Variants in CADPS observed in about 807,000 individuals in gnomAD.
CADPS encodes the protein calcium dependent secretion activator.
CADPS carries 57 observed loss-of-function variants against 167.3 expected under a neutral mutation model. The ratio of observed to expected loss-of-function variants is 0.34; its 90% confidence interval spans 0.28 to 0.42. The LOEUF (loss-of-function observed/expected upper bound fraction) is 0.42. Ranked by LOEUF, CADPS falls within the 20% of genes least tolerant of loss-of-function variation. The pLI is 1.00. For synonymous variants in CADPS, 676 were observed against 635.3 expected (o/e 1.06, Z -0.96); for missense variants, 1,414 against 1,738.1 (o/e 0.81, Z 3.32).
At chr3:62,675,300 A>G (rs1460677021) in intron 3 of CADPS, among the ~76,000 whole-genome samples, 1 of 152,176 alleles carries the variant, frequency 6.6e-6, no homozygotes, top group Non-Finnish European at 1.5e-5. Flanking sequence ...TTTTATAAGC[A>G]TTAGTGTGTC....
At chr3:62,590,985 G>T (rs949470811) in intron 7 of CADPS, among the ~76,000 whole-genome samples, 1 of 152,044 alleles carries the variant, frequency 6.6e-6, no homozygotes, top group African/African-American at 2.4e-5. Context: ...CTCCTGAGTA[G>T]CTAGGATTAC....
chr3:62,700,877 A>C (rs938156535), intron 3 of CADPS, among the ~76,000 whole-genome samples: 3 of 152,110 alleles, frequency 2.0e-5, no homozygotes, highest in African/African-American at 7.2e-5. Context: ...TAAACAACAG[A>C]AATTTATTTC....
chr3:62,510,739 G>A (rs116373594), intron 17 of CADPS, among the ~76,000 whole-genome samples: 5 of 152,022 alleles, frequency 3.3e-5, no homozygotes, highest in Admixed American at 2.0e-4. Context: ...ATTTGCACCT[G>A]TAACTCCGGT....
At chr3:62,555,508 G>A (rs1392200367) in intron 10 of CADPS, among the ~76,000 whole-genome samples, 1 of 152,232 alleles carries the variant, frequency 6.6e-6, no homozygotes, top group Non-Finnish European at 1.5e-5. Flanking sequence ...CCACCAGGCA[G>A]TCTTAAACAA....
At chr3:62,403,217 C>T (rs768965848) in intron 28 of CADPS, 32 bp from the exon 29 acceptor site, 3 of 1,439,246 alleles carry the variant, frequency 2.1e-6, no homozygotes, top group African/African-American at 2.8e-5. Context: ...CTCCAGCCAA[C>T]ACATCATGGA....
chr3:62,753,344 T>G lies in CADPS; in HGVS notation c.888+97A>C, dbSNP rs1255532492. On this transcript the variant is annotated intron_variant, in intron 3 of 29. Transcript: ENST00000383710. This position sits in a 1 kb window ranked among gnomAD's most constrained non-coding sequence, Gnocchi z 4.6. ...CCAGTAGAGTAATAAAATATAAGTT[T>G]TAATCCTTTTTTTAAAAAAATCAAG... 9 of 898,920 alleles carry G rather than the reference T, an allele frequency of 1.0e-5. No individual in the cohort carries two copies. Among genetic ancestry groups the G allele is most frequent in the Non-Finnish European group, 1.5e-5 (9 of 587,580 alleles). 55.7% of individuals were successfully genotyped at this position (898,920 alleles called of 1,614,324 possible).
chr3:62,838,918 G>C (rs1157212835), intron 1 of CADPS, among the ~76,000 whole-genome samples: 2 of 152,154 alleles, frequency 1.3e-5, no homozygotes, highest in Non-Finnish European at 2.9e-5. Context: ...TTTGAACACT[G>C]CTTTGCTCCA....
At chr3:62,848,039 G>A (rs2153083691) in intron 1 of CADPS, among the ~76,000 whole-genome samples, 1 of 124,360 alleles carries the variant, frequency 8.0e-6, no homozygotes, top group East Asian at 2.2e-4. Context: ...GTGATGATGA[G>A]CATTTTTTCA....
intron 12 of CADPS, among the ~76,000 whole-genome samples, chr3:62,533,879 A>AT (rs2074202057): frequency 3.3e-5 from 5 of 152,036 alleles, no homozygotes; most frequent in African/African-American, 1.2e-4. Context: ...TTAGAGTTTT[A>AT]TTTTCTCTTC....
intron 28 of CADPS, among the ~76,000 whole-genome samples, chr3:62,416,411 A>G (rs2050070674): frequency 6.6e-6 from 1 of 152,302 alleles, no homozygotes; most frequent in East Asian, 1.9e-4. Flanking sequence ...CAATCCAGAC[A>G]GTTTGTGTCT....
rs539166322 is a variant in CADPS at position 62,457,937 on chromosome 3, G to A, written c.3636+7430C>T. 2.0e-5 allele frequency among the ~76,000 whole-genome samples: 3 copies of A among 152,080 alleles called. No homozygotes were observed. The East Asian group carries it at 5.8e-4, about 29-fold the overall frequency. ...CACACACTGGGGCCTGTTGAAGGGT[G>A]GGGGACTAGGGGAGGGATAGCATTA... On this transcript the variant is annotated intron_variant, in intron 26 of 29. Transcript: ENST00000383710.
intron 1 of CADPS, among the ~76,000 whole-genome samples, chr3:62,803,428 T>G (rs1169167030): frequency 1.3e-5 from 2 of 151,948 alleles, no homozygotes; most frequent in Non-Finnish European, 2.9e-5. Context: ...TCTGGACATA[T>G]TTTTTAGCTG....
intron 1 of CADPS, among the ~76,000 whole-genome samples, chr3:62,847,385 G>A (rs963218762): frequency 2.0e-5 from 2 of 98,860 alleles, no homozygotes; most frequent in Non-Finnish European, 3.9e-5. Context: ...CCACTAACTC[G>A]TCATCTAGCA....
intron 3 of CADPS, among the ~76,000 whole-genome samples, chr3:62,729,801 G>A (rs763057343): frequency 6.6e-6 from 1 of 151,718 alleles, no homozygotes. Flanking sequence ...AAGGAAGGGA[G>A]ACCTTCTTTG....
At chr3:62,735,264 A>T (rs888410203) in intron 3 of CADPS, among the ~76,000 whole-genome samples, 1 of 152,212 alleles carries the variant, frequency 6.6e-6, no homozygotes, top group Non-Finnish European at 1.5e-5. Context: ...TGATGTATAT[A>T]AAGATTTAAA....
Position 62,720,363 on chromosome 3 carries a change from C to T in CADPS, c.888+33078G>A, listed in dbSNP as rs553939975. ...TTTGTTTTTTTTTGAAACACGGTATCGCTCTGTCACTCAGACTGCAGTGCA... is the reference window on the plus strand; with the variant it reads ...TTTGTTTTTTTTTGAAACACGGTATTGCTCTGTCACTCAGACTGCAGTGCA... On this transcript the variant is annotated intron_variant, in intron 3 of 29. Transcript: ENST00000383710. Among the ~76,000 whole-genome samples the T allele has an allele frequency of 1.0e-4, 15 of 149,208 alleles. No homozygotes were observed. The South Asian group carries it at 2.8e-3, about 27-fold the overall frequency.
chr3:62,404,879 T>C (rs571835461), intron 28 of CADPS: 4 of 150,104 alleles, frequency 2.7e-5, no homozygotes, highest in South Asian at 4.3e-4. Flanking sequence ...TTTTCCCCTC[T>C]AGGGGTGAGA....
At chr3:62,742,756 A>G (rs914653294) in intron 3 of CADPS, among the ~76,000 whole-genome samples, 9 of 152,232 alleles carry the variant, frequency 5.9e-5, no homozygotes, top group Non-Finnish European at 1.0e-4. Flanking sequence ...AATTGCAACA[A>G]AAGCAAAAAT....
At chr3:62,762,238 C>T (rs1401095516) in intron 2 of CADPS, among the ~76,000 whole-genome samples, 1 of 151,982 alleles carries the variant, frequency 6.6e-6, no homozygotes, top group Non-Finnish European at 1.5e-5. Flanking sequence ...ACTACAGATA[C>T]AAAATATAAA....
Sources: allele counts gnomAD v4.1 joint callset (sites outside exome capture counted in the v4.1 genomes callset), GRCh38; gene constraint gnomAD v4.1.1; non-coding constraint Gnocchi (gnomAD v3.1); transcripts MANE v1.5; gene names NCBI Gene and HGNC (gene_info 2026-07-23, HGNC 2026-07-21).